SMIM31: variants seen among roughly 807,000 people sequenced by gnomAD.
SMIM31 encodes the protein small integral membrane protein 31, also known as human epithelial cell program regulator.
rs1210214677 is a variant in SMIM31, at chr4:164,803,105, TGGAAAGCATTTTG to T, written c.*1915_*1927del. 3.9e-5 allele frequency: 6 copies of T among 152,238 alleles called. No homozygotes were observed. Among genetic ancestry groups the T allele is most frequent in the Non-Finnish European group, 8.8e-5 (6 of 68,050 alleles). The allele number at this position is 152,238 out of a possible 1,614,324, so 9.4% of individuals were successfully genotyped here. ...GCTGAATAACGCTACCTATTATTAT[TGGAAAGCATTTTG>T]GGACATTTGGACTTTTAAGTTTACT... On this transcript the variant is annotated 3_prime_UTR_variant, in exon 3 of 3. Transcript: ENST00000507311.
chr4:164,762,662 C>CAAAAAAAAA (rs1162067333), intron 1 of SMIM31, among the ~76,000 whole-genome samples: 3 of 100,112 alleles, frequency 3.0e-5, no homozygotes, highest in East Asian at 2.8e-4. Flanking sequence ...GACTCTGTCT[C>CAAAAAAAAA]AAAAAAAAAA....
intron 1 of SMIM31, among the ~76,000 whole-genome samples, chr4:164,767,393 GTTAA>G (rs1317783752): frequency 6.6e-6 from 1 of 152,268 alleles, no homozygotes; most frequent in East Asian, 1.9e-4. Flanking sequence ...AAGGAGTTAC[GTTAA>G]TTTTTATCAT....
intron 2 of SMIM31, among the ~76,000 whole-genome samples, chr4:164,779,278 T>A (rs1462897809): frequency 6.6e-6 from 1 of 152,206 alleles, no homozygotes; most frequent in Non-Finnish European, 1.5e-5. Flanking sequence ...CTATTGGGCA[T>A]GCTGAGCTAA....
intron 1 of SMIM31, among the ~76,000 whole-genome samples, chr4:164,767,963 C>T (rs1475590431): frequency 6.6e-6 from 1 of 151,996 alleles, no homozygotes; most frequent in Non-Finnish European, 1.5e-5. Context: ...GGGCCAGAGG[C>T]GGTAGCTATG....
chr4:164,788,778 G>C (rs898037140), intron 2 of SMIM31, among the ~76,000 whole-genome samples: 1 of 151,988 alleles, frequency 6.6e-6, no homozygotes, highest in African/African-American at 2.4e-5. Flanking sequence ...GAGCCACCAC[G>C]CCCGGCCCTT....
intron 1 of SMIM31, among the ~76,000 whole-genome samples, chr4:164,757,172 T>G (rs1732573220): frequency 6.6e-6 from 1 of 152,226 alleles, no homozygotes; most frequent in Non-Finnish European, 1.5e-5. Flanking sequence ...TGAATGTCGT[T>G]AAGCATTTTC....
At chr4:164,778,538 T>C (rs1353484437) in intron 2 of SMIM31, among the ~76,000 whole-genome samples, 2 of 152,108 alleles carry the variant, frequency 1.3e-5, no homozygotes, top group East Asian at 3.8e-4. Flanking sequence ...ACTGACGATA[T>C]CTATAGCACA....
chr4:164,777,512 C>T (rs1232634807), intron 2 of SMIM31, among the ~76,000 whole-genome samples: 5 of 152,214 alleles, frequency 3.3e-5, no homozygotes, highest in African/African-American at 1.2e-4. Flanking sequence ...GCTGCTCTTT[C>T]CTGCCTGAAT....
chr4:164,779,020 C>T (rs1409174333), intron 2 of SMIM31, among the ~76,000 whole-genome samples: 3 of 151,292 alleles, frequency 2.0e-5, no homozygotes, highest in African/African-American at 7.3e-5. Context: ...TCCAGCGCAT[C>T]AGCTACATCT....
At chr4:164,767,976 T>G (rs1371898444) in intron 1 of SMIM31, among the ~76,000 whole-genome samples, 2 of 152,086 alleles carry the variant, frequency 1.3e-5, no homozygotes, top group African/African-American at 4.8e-5. Context: ...TAGCTATGCC[T>G]GTAATCTCAG....
intron 1 of SMIM31, among the ~76,000 whole-genome samples, chr4:164,769,488 G>GC (rs1248897365): frequency 1.3e-5 from 2 of 148,652 alleles, no homozygotes; most frequent in Non-Finnish European, 3.0e-5. Flanking sequence ...GCAAACTATC[G>GC]CAAGGACAAA....
intron 1 of SMIM31, among the ~76,000 whole-genome samples, chr4:164,768,616 T>C (rs7659532): frequency 0.48 from 72,680 of 151,814 alleles, 18,318 homozygotes; most frequent in Admixed American, 0.57. Context: ...AGAAACCATT[T>C]TGCATGAGCA....
At position 164,772,172 on chromosome 4, in the gene SMIM31, A is replaced by G. The variant is rs192793154; in HGVS notation, c.112+1617A>G. On this transcript the variant is annotated intron_variant, in intron 2 of 2. Transcript: ENST00000507311. ...TGAAAGCCTCAGAAAGCCTCCAATC[A>G]TGGTGGAAGGGAAAGGGGTAGTGAG... is the stretch of plus-strand genomic sequence containing the variant. Among the ~76,000 whole-genome samples the G allele has an allele frequency of 1.4e-3, 209 of 152,294 alleles. 1 individual carries two copies. Among genetic ancestry groups the G allele is most frequent in the African/African-American group, 4.7e-3 (196 of 41,566 alleles).
intron 2 of SMIM31, among the ~76,000 whole-genome samples, chr4:164,788,606 C>T (rs1392498110): frequency 6.8e-6 from 1 of 147,376 alleles, no homozygotes; most frequent in African/African-American, 2.5e-5. Context: ...TCTCCCACCT[C>T]AGCCTCTCGA....
chr4:164,788,280 T>C (rs1276754193), intron 2 of SMIM31, among the ~76,000 whole-genome samples: 1 of 152,010 alleles, frequency 6.6e-6, no homozygotes, highest in African/African-American at 2.4e-5. Flanking sequence ...TAACACTATT[T>C]ACAGGGATAT....
intron 2 of SMIM31, among the ~76,000 whole-genome samples, chr4:164,780,309 C>T (rs1034989372): frequency 6.6e-6 from 1 of 152,194 alleles, no homozygotes; most frequent in African/African-American, 2.4e-5. Context: ...TGCCTGTAGT[C>T]CCAGCTACTC....
intron 1 of SMIM31, among the ~76,000 whole-genome samples, chr4:164,757,686 T>C (rs1732584026): frequency 6.6e-6 from 1 of 152,146 alleles, no homozygotes; most frequent in Non-Finnish European, 1.5e-5. Flanking sequence ...TTTCTTTTCA[T>C]TACTGAATTG....
intron 2 of SMIM31, among the ~76,000 whole-genome samples, chr4:164,782,381 T>A (rs55674112): frequency 0.018 from 2,614 of 145,116 alleles, 61 homozygotes; most frequent in East Asian, 0.046. Flanking sequence ...TCTTTTATTT[T>A]TTTTTTTTTT....
At chr4:164,757,820 G>T (rs376281908) in intron 1 of SMIM31, among the ~76,000 whole-genome samples, 1 of 151,834 alleles carries the variant, frequency 6.6e-6, no homozygotes, top group African/African-American at 2.4e-5. Context: ...GATTACTAAA[G>T]TTTATAGTAA....
Sources: allele counts gnomAD v4.1 joint callset (sites outside exome capture counted in the v4.1 genomes callset), GRCh38; gene constraint gnomAD v4.1.1; transcripts MANE v1.5; gene names NCBI Gene and HGNC (gene_info 2026-07-23, HGNC 2026-07-21).